Variants in GPNMB observed in about 807,000 individuals in gnomAD.
GPNMB encodes glycoprotein nmb, also known as transmembrane glycoprotein NMB.
Under a neutral mutation model 57.3 loss-of-function variants are expected in GPNMB, and 71 were observed. The ratio of observed to expected loss-of-function variants is 1.24; its 90% CI spans 1.02 to 1.51. The LOEUF (loss-of-function observed/expected upper bound fraction) is 1.51. Among genes scored for constraint, GPNMB ranks in the 40% most tolerant of loss-of-function variants. The pLI is 0.00. For missense variants in GPNMB, 677 were observed against 691.9 expected (o/e 0.98, Z 0.24); for synonymous variants, 253 against 263.2 (o/e 0.96, Z 0.38).
At chr7:23,271,700 G>A (rs906181040) in intron 9 of GPNMB, among the ~76,000 whole-genome samples, 35 of 152,166 alleles carry the variant, frequency 2.3e-4, no homozygotes, top group African/African-American at 8.4e-4. Context: ...GGAGGCTGAG[G>A]TAGGAGAATA....
chr7:23,250,979 T>A (rs1373138057), intron 1 of GPNMB: 1 of 152,194 alleles, frequency 6.6e-6, no homozygotes, highest in African/African-American at 2.4e-5. Context: ...TACAAATACT[T>A]ATTGATAAAC....
At chr7:23,249,940 C>T (rs925310596) in intron 1 of GPNMB, among the ~76,000 whole-genome samples, 6 of 152,220 alleles carry the variant, frequency 3.9e-5, no homozygotes, top group African/African-American at 1.4e-4. Flanking sequence ...AGTTTCTCTA[C>T]ATCCTTGCAA....
chr7:23,272,345 G>T (rs1231841271), intron 9 of GPNMB, among the ~76,000 whole-genome samples: 4 of 152,074 alleles, frequency 2.6e-5, no homozygotes, highest in African/African-American at 9.7e-5. Flanking sequence ...AGAAAGCTCA[G>T]AATGCCAGGC....
At chr7:23,247,066 T>G in intron 1 of GPNMB, 139 bp downstream of exon 1, 1 of 701,004 alleles carries the variant, frequency 1.4e-6, no homozygotes, top group Non-Finnish European at 2.6e-6. Context: ...TCTCTTCTTC[T>G]GCAAACTGTT....
intron 8 of GPNMB, among the ~76,000 whole-genome samples, chr7:23,268,952 C>A (rs1274867011): frequency 3.9e-5 from 6 of 152,270 alleles, no homozygotes; most frequent in Admixed American, 6.5e-5. Context: ...GGCAGGTAGC[C>A]CAGCATCAAG....
chr7:23,266,681 C>A, intron 7 of GPNMB, 66 bp downstream of exon 7: 2 of 1,459,162 alleles, frequency 1.4e-6, no homozygotes, highest in Admixed American at 1.9e-5. Flanking sequence ...CCCACTCTCT[C>A]TGCTAACTCT....
At chr7:23,253,771 A>G (rs1014466141) in intron 2 of GPNMB, among the ~76,000 whole-genome samples, 16 of 152,340 alleles carry the variant, frequency 1.1e-4, no homozygotes, top group Middle Eastern at 3.4e-3. Flanking sequence ...CAGTCACCCC[A>G]AAGCCATTTT....
At chr7:23,251,597 G>T (rs1782663147) in intron 1 of GPNMB, among the ~76,000 whole-genome samples, 1 of 152,198 alleles carries the variant, frequency 6.6e-6, no homozygotes, top group Admixed American at 6.5e-5. Context: ...TAATGTGTTA[G>T]CTGTTTCCTC....
At position 23,268,126 on chromosome 7, in the gene GPNMB, C is replaced by T. The variant is rs1369028153; in HGVS notation, c.1220+138C>T. 5.4e-5 allele frequency: 34 copies of T among 631,562 alleles called. No homozygotes were observed. The East Asian group carries it at 7.1e-4, about 13-fold the overall frequency. 39.1% of individuals were successfully genotyped at this position (631,562 alleles called of 1,614,324 possible). A position where few individuals can be genotyped will look rare whatever the true frequency, so the allele number is the denominator to read the frequency against. On this transcript the variant is annotated intron_variant, in intron 8 of 10. Transcript: ENST00000258733. Reference sequence around the variant, plus strand: ...TTTGAATTCCTATTTACTGGTAACCCTAGACAGGAAGGTCCCTAGGAGGTG... The same window carrying T: ...TTTGAATTCCTATTTACTGGTAACCTTAGACAGGAAGGTCCCTAGGAGGTG...
rs1379926382 is a variant in GPNMB, at chr7:23,253,478, AC to A, written c.223+21del. 1 of 1,607,298 alleles carries A rather than the reference AC, an allele frequency of 6.2e-7. No individual in the cohort carries two copies. Among genetic ancestry groups the A allele is most frequent in the African/African-American group, 1.3e-5 (1 of 74,648 alleles). On this transcript the variant is annotated intron_variant, in intron 2 of 10. Coordinates refer to ENST00000258733, the MANE Select transcript of GPNMB (RefSeq NM_002510.3). ...TGGAAGGGTAAGTCAAAAGATTCAA[AC>A]CAAACACCTGCAATTTCCTACTTCA...
intron 9 of GPNMB, among the ~76,000 whole-genome samples, chr7:23,271,854 T>C (rs553587720): frequency 6.6e-6 from 1 of 152,214 alleles, no homozygotes; most frequent in Non-Finnish European, 1.5e-5. Context: ...ATAATATAAA[T>C]GGCAGTTTTA....
intron 1 of GPNMB, among the ~76,000 whole-genome samples, chr7:23,250,273 A>G (rs533057864): frequency 1.3e-5 from 2 of 152,172 alleles, no homozygotes; most frequent in East Asian, 3.9e-4. Context: ...AAGGTTTTTT[A>G]TTTTAATGAG....
chr7:23,273,778 G>A lies in GPNMB; in HGVS notation c.1523+164G>A, dbSNP rs908556277. ...AATACCAAACTGGCCTGTTAATCTT[G>A]TTGTGGTTTGTTTTTAATCCTAAAA... On this transcript the variant is annotated intron_variant, in intron 10 of 10. Coordinates refer to ENST00000258733, the MANE Select transcript of GPNMB (RefSeq NM_002510.3). The A allele has an allele frequency of 1.2e-5, 7 of 592,874 alleles. No individual in the cohort carries two copies. The South Asian group carries it at 1.5e-4, about 13-fold the overall frequency. The allele number at this position is 592,874 out of a possible 1,614,324, so 36.7% of individuals were successfully genotyped here. A position where few individuals can be genotyped will look rare whatever the true frequency, so the allele number is the denominator to read the frequency against.
Position 23,260,558 on chromosome 7 carries a change from AT to A in GPNMB, c.804del (p.His268GlnfsTer32). On this transcript the variant is annotated frameshift_variant, in exon 6 of 11. Transcript: ENST00000258733. LOFTEE classifies it high-confidence loss of function. The part of the protein sequence containing the change: ...DLPIMFDVLI[H>X]DPSHFLNYST... ...CCCATTATGTTTGATGTCCTGATTC[AT>A]GATCCTAGCCACTTCCTCAATTATT... is the stretch of plus-strand genomic sequence containing the variant. 1.2e-6 allele frequency: 2 copies of A among 1,613,782 alleles called. No individual in the cohort carries two copies. Among genetic ancestry groups the A allele is most frequent in the South Asian group, 1.1e-5 (1 of 91,068 alleles).
At chr7:23,254,559 C>T (rs1782733318) in intron 3 of GPNMB, among the ~76,000 whole-genome samples, 1 of 152,174 alleles carries the variant, frequency 6.6e-6, no homozygotes, top group Non-Finnish European at 1.5e-5. Flanking sequence ...CACATCACCA[C>T]CTCCTGCTTT....
intron 5 of GPNMB, 100 bp from the exon 6 acceptor site, chr7:23,260,356 C>T (rs1235790924): frequency 2.8e-6 from 3 of 1,083,832 alleles, no homozygotes; most frequent in Admixed American, 4.7e-5. Context: ...GCTAAATTAT[C>T]CCTCATTTTA....
intron 6 of GPNMB, among the ~76,000 whole-genome samples, chr7:23,261,404 G>T (rs1782919282): frequency 6.6e-6 from 1 of 152,176 alleles, no homozygotes; most frequent in African/African-American, 2.4e-5. Context: ...ATGATAGACT[G>T]GATTAAGAAA....
chr7:23,266,599 C>T lies in GPNMB; in HGVS notation c.1101C>T (p.Ala367=). ...CQINRYGHFQ[A]TITIVEGILE... ...TTAACAGATATGGCCACTTTCAAGC[C>T]ACCATCACAATTGTAGGTAAGGCTG... The change falls in exon 7 of 11, where the codon GCC becomes GCT. Residue 367 remains alanine, a synonymous_variant. Transcript: ENST00000258733. The T allele has an allele frequency of 1.2e-6, 2 of 1,613,872 alleles. No individual in the cohort carries two copies. The highest frequency in any genetic ancestry group is 1.7e-5 in the Admixed American group (1 of 59,988).
At chr7:23,255,170 C>T (rs1039714637) in intron 3 of GPNMB, among the ~76,000 whole-genome samples, 1 of 152,142 alleles carries the variant, frequency 6.6e-6, no homozygotes, top group South Asian at 2.1e-4. Flanking sequence ...AGGCACCCAC[C>T]ACCATGCTCA....
Sources: allele counts gnomAD v4.1 joint callset (sites outside exome capture counted in the v4.1 genomes callset), GRCh38; gene constraint gnomAD v4.1.1; transcripts MANE v1.5; gene names NCBI Gene and HGNC (gene_info 2026-07-23, HGNC 2026-07-21).